SOD2: variants seen among roughly 807,000 people sequenced by gnomAD.
SOD2 encodes the protein superoxide dismutase 2.
A neutral mutation model predicts 27.0 loss-of-function variants in SOD2; 11 were observed. The ratio of observed to expected loss-of-function variants is 0.41; its 90% CI spans 0.26 to 0.67. The LOEUF (loss-of-function observed/expected upper bound fraction) is 0.67, where lower values mean the gene tolerates loss of function less well. Ranked by LOEUF, SOD2 falls within the 30% of genes least tolerant of loss-of-function variation. SOD2 has a pLI of 0.34. For synonymous variants in SOD2, 105 were observed against 103.0 expected, an observed-to-expected ratio of 1.02 and a Z score of -0.12; for missense variants, 250 against 274.5, an observed-to-expected ratio of 0.91 and a Z score of 0.63.
chr6:159,713,296 AC>A, intron 1 of SOD2: 1 of 665,176 alleles, frequency 1.5e-6, no homozygotes, highest in Non-Finnish European at 2.7e-6. Context: ...CACCATAGGG[AC>A]CCTGCCTCAT....
rs1779880004 is a variant in SOD2, at chr6:159,680,054, T to TC, written c.*2438dup. Reference sequence around the variant, plus strand: ...CAAACTTAGTGAAGGAAAGAATGCTTCCTCACTCTCTCACCAGAAAGCCAA... The same window carrying TC: ...CAAACTTAGTGAAGGAAAGAATGCTTCCCTCACTCTCTCACCAGAAAGCCAA... On this transcript the variant is annotated 3_prime_UTR_variant, in exon 5 of 5. Transcript: ENST00000538183. The TC allele has an allele frequency of 6.6e-6, 1 of 152,194 alleles. No individual in the cohort carries two copies. The highest frequency in any genetic ancestry group is 2.4e-5 in the African/African-American group (1 of 41,440). 9.4% of individuals were successfully genotyped at this position (152,194 alleles called of 1,614,324 possible). A position where few individuals can be genotyped will look rare whatever the true frequency, so the allele number is the denominator to read the frequency against.
chr6:159,726,682 A>G (rs1778184064), intron 1 of SOD2: 1 of 975,696 alleles, frequency 1.0e-6, no homozygotes. Flanking sequence ...TGTTCCAGTT[A>G]GCAAGGGGCC....
chr6:159,742,069 A>G (rs1362499118), intron 1 of SOD2: 3 of 1,560,582 alleles, frequency 1.9e-6, no homozygotes, highest in African/African-American at 2.8e-5. Context: ...CAACTAATGT[A>G]TGGATTTTTT....
upstream of SOD2, among the ~76,000 whole-genome samples, chr6:159,697,999 G>A (rs1300609720): frequency 6.6e-6 from 1 of 152,212 alleles, no homozygotes; most frequent in Non-Finnish European, 1.5e-5. Flanking sequence ...AATTGGCAGG[G>A]CCCAGTGGCT....
upstream of SOD2, chr6:159,730,797 A>C (rs1264240068): frequency 1.3e-5 from 2 of 152,162 alleles, no homozygotes; most frequent in Non-Finnish European, 2.9e-5. Flanking sequence ...CAAAATCTGT[A>C]TTTACTCCTG....
intron 3 of SOD2, 127 bp from the exon 4 acceptor site, chr6:159,685,160 C>A (rs1031029682): frequency 8.7e-6 from 4 of 460,406 alleles, no homozygotes; most frequent in East Asian, 3.6e-5. Flanking sequence ...CATCAGAATG[C>A]GACACCTGGA....
chr6:159,750,042 T>G (rs1779762581), upstream of SOD2, among the ~76,000 whole-genome samples: 1 of 152,216 alleles, frequency 6.6e-6, no homozygotes, highest in Non-Finnish European at 1.5e-5. Flanking sequence ...TTTAGGGAAC[T>G]GATTGTGGGG....
At chr6:159,700,963 C>T (rs1303456280) in intron 1 of SOD2, among the ~76,000 whole-genome samples, 2 of 151,856 alleles carry the variant, frequency 1.3e-5, no homozygotes, top group Non-Finnish European at 2.9e-5. Context: ...TTAGACTGAA[C>T]TCTAGGAGAC....
chr6:159,702,654 C>CAAAAAAAAAAAAAAA (rs750073120), intron 1 of SOD2, among the ~76,000 whole-genome samples: 2 of 39,822 alleles, frequency 5.0e-5, no homozygotes, highest in African/African-American at 7.8e-5. Flanking sequence ...TCTATCTCTC[C>CAAAAAAAAAAAAAAA]AAAAAAAAAA....
chr6:159,740,410 G>T (rs929730962), intron 1 of SOD2, among the ~76,000 whole-genome samples: 4 of 152,050 alleles, frequency 2.6e-5, no homozygotes, highest in Non-Finnish European at 5.9e-5. Context: ...TTTTCTCTTT[G>T]ATTCCCTTGG....
chr6:159,707,432 G>T (rs1777648670), intron 1 of SOD2, among the ~76,000 whole-genome samples: 1 of 152,090 alleles, frequency 6.6e-6, no homozygotes, highest in Non-Finnish European at 1.5e-5. Context: ...TGTTAAAGGA[G>T]ATATCACCAC....
intron 2 of SOD2, chr6:159,692,196 C>G (rs538205314): frequency 3.2e-6 from 1 of 311,106 alleles, no homozygotes; most frequent in South Asian, 1.3e-4. Flanking sequence ...CCTGCGGACC[C>G]GATGATGTCT....
rs188055585 is a variant in SOD2 at position 159,761,704 on chromosome 6, A to T, written c.-1003T>A. The T allele has an allele frequency of 8.5e-3, 3,201 of 375,422 alleles. 28 individuals are homozygous for T. Among genetic ancestry groups the T allele is most frequent in the Non-Finnish European group, 0.012 (2,176 of 188,824 alleles). The allele number at this position is 375,422 out of a possible 1,614,324, so 23.3% of individuals were successfully genotyped here. On this transcript the variant is annotated 5_prime_UTR_variant, in exon 1 of 8. Coordinates refer to the SOD2 transcript ENST00000546087. ...TTTCGAGAAACCCTAAGATTTTTTA[A>T]AAAAAAGCCCAAGACGTCAAGTCGG...
intron 2 of SOD2, among the ~76,000 whole-genome samples, chr6:159,689,315 C>G (rs1046625935): frequency 1.3e-5 from 2 of 152,278 alleles, no homozygotes; most frequent in East Asian, 1.9e-4. Context: ...ATCAGTGAAG[C>G]CTTCTCTAGC....
Position 159,675,757 on chromosome 6 carries a change from T to C in SOD2, c.*6736A>G, listed in dbSNP as rs1457754799. On this transcript the variant is annotated 3_prime_UTR_variant, in exon 5 of 5. Transcript: ENST00000538183. Reference sequence around the variant, plus strand: ...GCCAAAATTGACAAATGGGATCTCATTAAACTCAAGAGCTTCTGCACAGCA... The same window carrying C: ...GCCAAAATTGACAAATGGGATCTCACTAAACTCAAGAGCTTCTGCACAGCA... 6.6e-6 allele frequency: 1 copy of C among 152,180 alleles called. No homozygotes were observed. Among genetic ancestry groups the C allele is most frequent in the African/African-American group, 2.4e-5 (1 of 41,436 alleles). The allele number at this position is 152,180 out of a possible 1,614,324, so 9.4% of individuals were successfully genotyped here. A position where few individuals can be genotyped will look rare whatever the true frequency, so the allele number is the denominator to read the frequency against.
At position 159,680,321 on chromosome 6, in the gene SOD2, A is replaced by G. The variant is rs996376403; in HGVS notation, c.*2172T>C. ...GGCAAGCAGTAATCTTACATGACAC[A>G]TAAAAGCTGTTTCACTGTGACACAT... is the stretch of plus-strand genomic sequence containing the variant. On this transcript the variant is annotated 3_prime_UTR_variant, in exon 5 of 5. Transcript: ENST00000538183. 3 of 152,188 alleles carry G rather than the reference A, an allele frequency of 2.0e-5. No homozygotes were observed. Among genetic ancestry groups the G allele is most frequent in the African/African-American group, 7.2e-5 (3 of 41,444 alleles). 9.4% of individuals were successfully genotyped at this position (152,188 alleles called of 1,614,324 possible). A position where few individuals can be genotyped will look rare whatever the true frequency, so the allele number is the denominator to read the frequency against.
At chr6:159,745,062 A>G (rs368626268) in intron 1 of SOD2, 1 of 152,196 alleles carries the variant, frequency 6.6e-6, no homozygotes, top group East Asian at 1.9e-4. Flanking sequence ...CACCACTGAT[A>G]CTTCTTTCTC....
chr6:159,755,471 C>G (rs1347940126), intron 1 of SOD2: 1 of 1,614,156 alleles, frequency 6.2e-7, no homozygotes, highest in Admixed American at 1.7e-5. Flanking sequence ...CTCTCTCACA[C>G]ACCAATCAAA....
rs74936896 is a variant in SOD2, at chr6:159,710,492, T to C, written c.-116+16637A>G. ...AGACGACAGAGAAGCTGACCAAGAGTGATCAGAATAAATTATATTTCTCAT... is the reference window on the plus strand; with the variant it reads ...AGACGACAGAGAAGCTGACCAAGAGCGATCAGAATAAATTATATTTCTCAT... On this transcript the variant is annotated intron_variant, in intron 1 of 2. Coordinates refer to the SOD2 transcript ENST00000401980. Among the ~76,000 whole-genome samples the C allele has an allele frequency of 4.9e-3, 738 of 151,810 alleles. 1 individual carries two copies. The highest frequency in any genetic ancestry group is 6.7e-3 in the Non-Finnish European group (455 of 67,916).
Sources: allele counts gnomAD v4.1 joint callset (sites outside exome capture counted in the v4.1 genomes callset), GRCh38; gene constraint gnomAD v4.1.1; transcripts MANE v1.5; gene names NCBI Gene and HGNC (gene_info 2026-07-23, HGNC 2026-07-21).